Variants in USP48 observed in about 807,000 individuals in gnomAD.
USP48 encodes ubiquitin carboxyl-terminal hydrolase 48.
A neutral mutation model predicts 150.7 loss-of-function variants in USP48; 43 were observed. That is an observed-to-expected ratio of 0.29 (90% CI 0.22 to 0.37). The LOEUF (loss-of-function observed/expected upper bound fraction) is 0.37. Ranked by LOEUF, USP48 falls within the 10% of genes least tolerant of loss-of-function variation. USP48 has a pLI of 1.00. For missense variants in USP48, 813 were observed against 1,249.6 expected (o/e 0.65, Z 5.27); for synonymous variants, 396 against 425.9 (o/e 0.93, Z 0.86).
chr1:21,694,608 C>CAAAAAAAAAAAAAAACAAACAAAAAAA (rs1491189889), intron 23 of USP48, among the ~76,000 whole-genome samples: 1 of 28,982 alleles, frequency 3.5e-5, no homozygotes, highest in African/African-American at 1.1e-4. Flanking sequence ...AAAAAAAAAA[C>CAAAAAAAAAAAAAAACAAACAAAAAAA]CCCCTCTATC....
At chr1:21,757,250 T>C (rs1332567124) in intron 2 of USP48, among the ~76,000 whole-genome samples, 1 of 152,146 alleles carries the variant, frequency 6.6e-6, no homozygotes, top group African/African-American at 2.4e-5. Flanking sequence ...AATGCTAAGA[T>C]TTATGTCTAG....
At chr1:21,756,301 T>C (rs10458383) in intron 3 of USP48, among the ~76,000 whole-genome samples, 106,629 of 151,094 alleles carry the variant, frequency 0.71, 38,138 homozygotes, top group Admixed American at 0.79. Flanking sequence ...GCCAACATAG[T>C]GAAACGCTGT....
intron 15 of USP48, among the ~76,000 whole-genome samples, chr1:21,710,414 A>C (rs940878401): frequency 6.6e-6 from 1 of 152,202 alleles, no homozygotes; most frequent in Non-Finnish European, 1.5e-5. Context: ...TTTCAAAATA[A>C]CAAAACAAAA....
chr1:21,750,463 T>C (rs2097807596), intron 6 of USP48, among the ~76,000 whole-genome samples: 1 of 152,138 alleles, frequency 6.6e-6, no homozygotes, highest in South Asian at 2.1e-4. Context: ...GTTGACCCAC[T>C]ATATATTCGC....
At chr1:21,726,342 G>A (rs538709562) in intron 11 of USP48, 2 of 152,268 alleles carry the variant, frequency 1.3e-5, no homozygotes, top group African/African-American at 4.8e-5. Flanking sequence ...AACTTCCAAG[G>A]AAAGCTTGTT....
intron 3 of USP48, among the ~76,000 whole-genome samples, chr1:21,754,095 A>AGG (rs2097825021): frequency 6.6e-6 from 1 of 152,038 alleles, no homozygotes. Flanking sequence ...CGACAGGCGG[A>AGG]GGTTGTAGTT....
Position 21,736,436 on chromosome 1 carries a change from A to G in USP48, c.1171+10T>C. On this transcript the variant is annotated intron_variant, in intron 9 of 26. Transcript: ENST00000308271. ...ATTTTAAAAGGGCACTCACAACTTA[A>G]AGGTTTTACCTAGATCTTCCTCAAT... 2.5e-6 allele frequency: 4 copies of G among 1,589,644 alleles called. No individual in the cohort carries two copies. The highest frequency in any genetic ancestry group is 2.6e-6 in the Non-Finnish European group (3 of 1,172,946).
At chr1:21,778,601 TAAAAAAAA>T (rs35911894) in intron 1 of USP48, among the ~76,000 whole-genome samples, 2,797 of 88,948 alleles carry the variant, frequency 0.031, 47 homozygotes, top group Middle Eastern at 0.08. Flanking sequence ...ACCCTCATCT[TAAAAAAAA>T]AAAAAAAAAA....
Position 21,748,247 on chromosome 1 carries a change from G to A in USP48, c.799C>T (p.Arg267Cys), listed in dbSNP as rs138040117. The A allele has an allele frequency of 3.3e-5, 54 of 1,612,662 alleles. No individual in the cohort carries two copies. Among genetic ancestry groups the A allele is most frequent in the Admixed American group, 5.0e-5 (3 of 59,772 alleles). ...LKEEKLEGDNRYFCENCQSKQ... is the reference protein window; with the variant it reads ...LKEEKLEGDNCYFCENCQSKQ... Reference sequence around the variant, plus strand: ...CTTTGACAGTTCTCGCAAAAATAGCGATTGTCTCCTTCTAATTTTTCTTCC... The same window carrying A: ...CTTTGACAGTTCTCGCAAAAATAGCAATTGTCTCCTTCTAATTTTTCTTCC... The change falls in exon 7 of 27, where the codon CGC becomes TGC. Residue 267 changes from arginine (R) to cysteine (C), a missense_variant. Physicochemically the swap from Arg to Cys is radical, Grantham distance 180. Transcript: ENST00000308271.
intron 1 of USP48, among the ~76,000 whole-genome samples, chr1:21,766,639 G>T (rs1267371264): frequency 2.0e-5 from 3 of 152,120 alleles, no homozygotes; most frequent in African/African-American, 7.2e-5. Flanking sequence ...ACTCCAAATG[G>T]TCATTTACAG....
chr1:21,713,432 G>A (rs897441137), intron 15 of USP48, among the ~76,000 whole-genome samples: 2 of 152,026 alleles, frequency 1.3e-5, no homozygotes, highest in Admixed American at 1.3e-4. Context: ...TTTCTGATAG[G>A]CTGGGGAGTG....
chr1:21,704,843 C>T (rs183059613), intron 19 of USP48, among the ~76,000 whole-genome samples: 5 of 151,940 alleles, frequency 3.3e-5, no homozygotes, highest in African/African-American at 4.8e-5. Context: ...CACTGTGGGG[C>T]CTTTAATCAT....
At chr1:21,743,962 C>T (rs1272660568) in intron 8 of USP48, among the ~76,000 whole-genome samples, 1 of 152,168 alleles carries the variant, frequency 6.6e-6, no homozygotes, top group South Asian at 2.1e-4. Context: ...GAAGTTGCTA[C>T]TGGGTCAGCT....
chr1:21,728,999 C>T (rs886246259), intron 10 of USP48, among the ~76,000 whole-genome samples: 2 of 152,180 alleles, frequency 1.3e-5, no homozygotes, highest in Admixed American at 6.5e-5. Flanking sequence ...GAATAGATGA[C>T]GCCAGGCGGG....
At chr1:21,736,339 T>C (rs1400957114) in intron 9 of USP48, 107 bp downstream of exon 9, 17 of 1,148,578 alleles carry the variant, frequency 1.5e-5, no homozygotes, top group South Asian at 8.1e-5. Flanking sequence ...GCAAATATCC[T>C]TGATAGTCTG....
At chr1:21,704,621 C>A in intron 19 of USP48, 1 of 401,830 alleles carries the variant, frequency 2.5e-6, no homozygotes, top group Non-Finnish European at 4.4e-6. Flanking sequence ...GGTTAGATCT[C>A]AAAAACATAA....
intron 26 of USP48, 129 bp from the exon 27 acceptor site, chr1:21,679,568 G>T: frequency 8.6e-7 from 1 of 1,157,002 alleles, no homozygotes; most frequent in Non-Finnish European, 1.3e-6. Context: ...TCGCACCTTG[G>T]TGTGGGAGGA....
intron 22 of USP48, 33 bp downstream of exon 22, chr1:21,701,465 A>G: frequency 6.3e-7 from 1 of 1,585,734 alleles, no homozygotes; most frequent in Non-Finnish European, 8.7e-7. Context: ...AACAGCAGAA[A>G]GTATAACAAT....
At chr1:21,765,789 G>A (rs1472294848) in intron 1 of USP48, among the ~76,000 whole-genome samples, 8 of 151,262 alleles carry the variant, frequency 5.3e-5, no homozygotes, top group Admixed American at 4.6e-4. Context: ...GGAAGGCTGA[G>A]GTGAGTGGAT....
Sources: allele counts gnomAD v4.1 joint callset (sites outside exome capture counted in the v4.1 genomes callset), GRCh38; gene constraint gnomAD v4.1.1; transcripts MANE v1.5; gene names NCBI Gene and HGNC (gene_info 2026-07-23, HGNC 2026-07-21).